The following PCBP2 variants were observed in gnomAD, a reference collection of about 807,000 sequenced individuals.
PCBP2 encodes the protein poly(rC) binding protein 2.
PCBP2 carries 4 observed loss-of-function variants against 50.1 expected under a neutral mutation model. The ratio of observed to expected loss-of-function variants is 0.08; its 90% CI spans 0.04 to 0.18. PCBP2 has a LOEUF of 0.18. Ranked by LOEUF, PCBP2 falls within the 10% of genes least tolerant of loss-of-function variation. PCBP2 has a pLI of 1.00. For synonymous variants in PCBP2, 179 were observed against 168.0 expected, an observed-to-expected ratio of 1.07 and a Z score of -0.51; for missense variants, 161 against 474.3, an observed-to-expected ratio of 0.34 and a Z score of 6.14.
At chr12:53,468,901 G>T (rs1019708485) in intron 13 of PCBP2, 69 bp downstream of exon 13, 67 of 1,058,480 alleles carry the variant, frequency 6.3e-5, no homozygotes, top group Non-Finnish European at 9.3e-5. Flanking sequence ...TGTCGTTTCA[G>T]CAGTGTCCTG....
intron 11 of PCBP2, chr12:53,467,523 G>T (rs2137077275): frequency 3.2e-6 from 2 of 624,114 alleles, no homozygotes; most frequent in African/African-American, 1.8e-5. Flanking sequence ...AGGTTTGGGG[G>T]TGAGGTTTGG....
At chr12:53,460,640 CAT>C (rs1435346685) in intron 6 of PCBP2, 4 of 231,018 alleles carry the variant, frequency 1.7e-5, no homozygotes, top group Non-Finnish European at 3.5e-5. Context: ...GTACCTGGCA[CAT>C]AGAATGGCCT....
At chr12:53,461,243 A>T in intron 7 of PCBP2, 100 bp downstream of exon 7, 1 of 1,362,008 alleles carries the variant, frequency 7.3e-7, no homozygotes. Context: ...GAGGCTGTTA[A>T]GGCTTCCAGT....
At chr12:53,453,728 T>TA (rs1940759671) in intron 1 of PCBP2, among the ~76,000 whole-genome samples, 1 of 152,192 alleles carries the variant, frequency 6.6e-6, no homozygotes. Flanking sequence ...CTAAAGCTGT[T>TA]ACGATTAGGT....
intron 3 of PCBP2, 28 bp downstream of exon 3, chr12:53,455,398 T>TA: frequency 6.2e-7 from 1 of 1,613,818 alleles, no homozygotes; most frequent in South Asian, 1.1e-5. Context: ...CAACTTCAAT[T>TA]ACCATTTAGT....
Position 53,452,564 on chromosome 12 carries a change from TCG to T in PCBP2, c.-76+192_-76+193del, listed in dbSNP as rs571708491. On this transcript the variant is annotated intron_variant, in intron 1 of 14. Transcript: ENST00000546463. Reference sequence around the variant, plus strand: ...TGGCTCTGGCGCGGCCTAGTAGGCCTCGCGCAAGGCCTATTCCCCCCTCCCCC... The same window carrying T: ...TGGCTCTGGCGCGGCCTAGTAGGCCTCGCAAGGCCTATTCCCCCCTCCCCC... 4.2e-3 allele frequency among the ~76,000 whole-genome samples: 629 copies of T among 150,574 alleles called. 1 individual carries two copies. The highest frequency in any genetic ancestry group is 6.6e-3 in the Non-Finnish European group (447 of 67,504).
intron 8 of PCBP2, 61 bp downstream of exon 8, chr12:53,462,628 T>C (rs1224988892): frequency 2.8e-6 from 4 of 1,413,882 alleles, no homozygotes; most frequent in Non-Finnish European, 4.0e-6. Flanking sequence ...ATGTCAACTT[T>C]GCCAGCATCA....
At chr12:53,471,528 C>G (rs1042871357) in intron 13 of PCBP2, 110 bp from the exon 14 acceptor site, 1 of 1,045,736 alleles carries the variant, frequency 9.6e-7, no homozygotes, top group African/African-American at 1.7e-5. Context: ...GATCAGGCCA[C>G]TGCACTCCAG....
intron 13 of PCBP2, 55 bp downstream of exon 13, chr12:53,468,887 T>G (rs1592669378): frequency 7.7e-7 from 1 of 1,298,386 alleles, no homozygotes; most frequent in East Asian, 2.3e-5. Context: ...TGTAAAGAAA[T>G]AGATGTCGTT....
rs1257143862 is a variant in PCBP2, at chr12:53,474,120, T to G, written c.1052+2313T>G. Among the ~76,000 whole-genome samples, 4 of 152,300 alleles carry G rather than the reference T, an allele frequency of 2.6e-5. No homozygotes were observed. The East Asian group carries it at 7.7e-4, about 29-fold the overall frequency. ...GAGTGGAAGCAGCAGCATTTTCGCT[T>G]AAGTATGAATTTTTAGGTGATACTT... On this transcript the variant is annotated intron_variant, in intron 14 of 14. Coordinates refer to ENST00000546463, the MANE Select transcript of PCBP2 (RefSeq NM_031989.5).
intron 10 of PCBP2, among the ~76,000 whole-genome samples, chr12:53,466,930 T>A (rs1212464429): frequency 6.6e-6 from 1 of 152,090 alleles, no homozygotes; most frequent in African/African-American, 2.4e-5. Context: ...CAAACTACCT[T>A]CATTAAGTAG....
intron 14 of PCBP2, among the ~76,000 whole-genome samples, chr12:53,476,435 T>C (rs1942585266): frequency 6.6e-6 from 1 of 152,190 alleles, no homozygotes. Flanking sequence ...CTCCCTGAAA[T>C]CTTGTTCATT....
intron 5 of PCBP2, among the ~76,000 whole-genome samples, chr12:53,456,412 C>G (rs929651393): frequency 6.7e-6 from 1 of 150,116 alleles, no homozygotes; most frequent in Non-Finnish European, 1.5e-5. Context: ...GAGCCGAGAT[C>G]ACACCACTGC....
chr12:53,476,950 T>C (rs1942627382), intron 14 of PCBP2, among the ~76,000 whole-genome samples: 1 of 152,216 alleles, frequency 6.6e-6, no homozygotes, highest in African/African-American at 2.4e-5. Context: ...CTTAACCTAA[T>C]GGCTATTCCC....
intron 14 of PCBP2, among the ~76,000 whole-genome samples, 193 bp downstream of exon 14, chr12:53,472,000 T>C (rs1460885684): frequency 1.0e-5 from 1 of 97,086 alleles, no homozygotes; most frequent in Non-Finnish European, 2.4e-5. Flanking sequence ...TTTCAAGGGG[T>C]TGGTGGGGGG....
intron 9 of PCBP2, chr12:53,465,137 G>A (rs1941729127): frequency 6.6e-6 from 2 of 303,468 alleles, no homozygotes; most frequent in Non-Finnish European, 1.2e-5. Flanking sequence ...CCCCACCTGG[G>A]TGTACTTTTG....
chr12:53,463,100 A>G (rs1163772972), intron 8 of PCBP2, among the ~76,000 whole-genome samples: 3 of 152,148 alleles, frequency 2.0e-5, no homozygotes, highest in Non-Finnish European at 2.9e-5. Flanking sequence ...CCCACATGGC[A>G]TAACTGAAAT....
Position 53,462,482 on chromosome 12 carries a change from C to T in PCBP2, c.505-11C>T. ...CTCTTTTTGTTTTTTTCCCCTCTGA[C>T]TCTCTCCCAGTCCCCCCCGAAGGGC... On this transcript the variant is annotated splice_polypyrimidine_tract_variant and intron_variant, in intron 7 of 14. Coordinates refer to ENST00000546463, the MANE Select transcript of PCBP2 (RefSeq NM_031989.5). 1 of 1,605,796 alleles carries T rather than the reference C, an allele frequency of 6.2e-7. No homozygotes were observed. Among genetic ancestry groups the T allele is most frequent in the East Asian group, 2.2e-5 (1 of 44,680 alleles).
chr12:53,464,040 G>A (rs1826050415), intron 8 of PCBP2, among the ~76,000 whole-genome samples: 1 of 152,192 alleles, frequency 6.6e-6, no homozygotes, highest in African/African-American at 2.4e-5. Context: ...GTACAAACTG[G>A]TTTGTTCAAA....
Sources: gnomAD v4.1 joint callset for allele counts (sites outside exome capture counted in the v4.1 genomes callset) on GRCh38, gnomAD v4.1.1 for gene constraint, MANE v1.5 for transcripts, NCBI Gene and HGNC (gene_info 2026-07-23, HGNC 2026-07-21) for gene names.